PXDN: variants seen among roughly 807,000 people sequenced by gnomAD.
PXDN encodes the protein peroxidasin.
A neutral mutation model predicts 140.3 loss-of-function variants in PXDN; 77 were observed. That is an observed-to-expected ratio of 0.55 (90% CI 0.46 to 0.66). The LOEUF (loss-of-function observed/expected upper bound fraction) is 0.66, where lower values mean the gene tolerates loss of function less well. Among genes scored for constraint, PXDN ranks in the 30% least tolerant of loss-of-function variants. PXDN has a pLI of 0.00. For missense variants in PXDN, 1,838 were observed against 2,039.5 expected (o/e 0.90, Z 1.90); for synonymous variants, 911 against 857.4 (o/e 1.06, Z -1.09).
At chr2:1,725,966 T>C (rs972087679) in intron 1 of PXDN, among the ~76,000 whole-genome samples, 3 of 149,656 alleles carry the variant, frequency 2.0e-5, no homozygotes, top group African/African-American at 7.4e-5. Flanking sequence ...AGGAACACTT[T>C]TACACCGTTG....
chr2:1,659,658 CAA>C (rs1683257847), intron 14 of PXDN, among the ~76,000 whole-genome samples: 2 of 152,236 alleles, frequency 1.3e-5, no homozygotes, highest in East Asian at 3.9e-4. Flanking sequence ...AAGCAAAAAA[CAA>C]ATATTAATTT....
At chr2:1,716,872 G>A (rs1684908647) in intron 1 of PXDN, among the ~76,000 whole-genome samples, 1 of 152,130 alleles carries the variant, frequency 6.6e-6, no homozygotes, top group African/African-American at 2.4e-5. Context: ...ACACCACATG[G>A]ACAGGTTCAG....
chr2:1,725,216 G>T (rs1330359413), intron 1 of PXDN, among the ~76,000 whole-genome samples: 1 of 152,056 alleles, frequency 6.6e-6, no homozygotes, highest in Non-Finnish European at 1.5e-5. Flanking sequence ...TTTGTATCCT[G>T]CAACTTTACT....
intron 9 of PXDN, among the ~76,000 whole-genome samples, chr2:1,669,370 T>A (rs1045762168): frequency 6.6e-6 from 1 of 152,164 alleles, no homozygotes; most frequent in Non-Finnish European, 1.5e-5. Context: ...AAAACCTAGA[T>A]GACAGGTTGA....
intron 16 of PXDN, 160 bp downstream of exon 16, chr2:1,653,468 G>C: frequency 9.1e-7 from 1 of 1,099,834 alleles, no homozygotes; most frequent in Non-Finnish European, 1.4e-6. Flanking sequence ...AGGGCTGTAG[G>C]GCTCAAGAGG....
Position 1,660,836 on chromosome 2 carries a change from C to A in PXDN, c.1837+45G>T. 4 of 1,578,644 alleles carry A rather than the reference C, an allele frequency of 2.5e-6. No homozygotes were observed. The highest frequency in any genetic ancestry group is 2.6e-6 in the Non-Finnish European group (3 of 1,159,306). ...ACCACACTAGGGACCTGCGGGCTTT[C>A]TTTGTGGATACCATGTGGGTAGATG... On this transcript the variant is annotated intron_variant, in intron 14 of 22. Transcript: ENST00000252804. The surrounding 1 kb of genome is among the most constrained non-coding windows in gnomAD (Gnocchi z 4.6).
intron 19 of PXDN, among the ~76,000 whole-genome samples, chr2:1,641,718 G>A (rs751597479): frequency 2.0e-5 from 3 of 152,258 alleles, no homozygotes; most frequent in Non-Finnish European, 4.4e-5. Context: ...CTGAGAGGAG[G>A]AGGGGCTTGT....
intron 1 of PXDN, among the ~76,000 whole-genome samples, chr2:1,700,643 G>A (rs1684403838): frequency 6.6e-6 from 1 of 152,054 alleles, no homozygotes; most frequent in Non-Finnish European, 1.5e-5. Context: ...GGAGGCGGAG[G>A]TGGGTGGATC....
At position 1,744,367 on chromosome 2, in the gene PXDN, T is replaced by C; in HGVS notation, c.89A>G (p.Gln30Arg). ...CAWGTLAVVA[Q>R]KPGAGCPSRC... ...GCTCGGACACCCTGCGCCCGGCTTC[T>C]GGGCCACCACGGCCAGCGTCCCCCA... is the stretch of plus-strand genomic sequence containing the variant. Residue 30 changes from glutamine to arginine, a missense_variant, in exon 1 of 23, where the codon CAG becomes CGG. By Grantham distance (43) the Gln-to-Arg change is conservative (BLOSUM62 1). This residue lies in a region of PXDN where 231 missense variants were observed against 201.5 expected (regional missense o/e 1.15). Transcript: ENST00000252804. 1.2e-5 allele frequency: 18 copies of C among 1,526,816 alleles called. No individual in the cohort carries two copies. The highest frequency in any genetic ancestry group is 1.5e-5 in the Non-Finnish European group (17 of 1,143,446). 94.6% of individuals were successfully genotyped at this position (1,526,816 alleles called of 1,614,324 possible).
At position 1,730,071 on chromosome 2, in the gene PXDN, G is replaced by A. The variant is rs186571926; in HGVS notation, c.200+14185C>T. On this transcript the variant is annotated intron_variant, in intron 1 of 22. Transcript: ENST00000252804. ...TTAACAGGTAGACAAATACTGCTAC[G>A]TACTACACACGCCTGAATGCTTCTG... Among the ~76,000 whole-genome samples the A allele has an allele frequency of 5.3e-4, 80 of 152,254 alleles. 1 individual carries two copies. The highest frequency in any genetic ancestry group is 1.9e-3 in the Admixed American group (29 of 15,296).
At chr2:1,671,660 G>A (rs995447710) in intron 9 of PXDN, among the ~76,000 whole-genome samples, 1 of 152,156 alleles carries the variant, frequency 6.6e-6, no homozygotes, top group Non-Finnish European at 1.5e-5. Flanking sequence ...CCTAATCACA[G>A]AGCTTCAGGA....
chr2:1,638,591 G>A (rs113578456), intron 21 of PXDN, among the ~76,000 whole-genome samples: 177 of 152,216 alleles, frequency 1.2e-3, no homozygotes, highest in African/African-American at 4.1e-3. Context: ...CACCTGGCTG[G>A]CAGTCACACG....
At chr2:1,681,800 G>A (rs1468677498) in intron 6 of PXDN, among the ~76,000 whole-genome samples, 2 of 152,216 alleles carry the variant, frequency 1.3e-5, no homozygotes, top group Non-Finnish European at 2.9e-5. Flanking sequence ...AGACCCAGAT[G>A]GTCATAGTCA....
rs1435744952 is a variant in PXDN at position 1,639,498 on chromosome 2, T to C, written c.3953-76A>G. ...GGGAAATTAAGCACATCCTGCCAAC[T>C]ATGAAGTCTTCACTGGCTGCCCGTG... On this transcript the variant is annotated intron_variant, in intron 19 of 22. Coordinates refer to ENST00000252804, the MANE Select transcript of PXDN (RefSeq NM_012293.3). This position sits in a 1 kb window ranked among gnomAD's most constrained non-coding sequence, Gnocchi z 5.0. 22 of 1,598,040 alleles carry C rather than the reference T, an allele frequency of 1.4e-5. No individual in the cohort carries two copies. The highest frequency in any genetic ancestry group is 1.8e-5 in the Non-Finnish European group (21 of 1,169,554).
intron 9 of PXDN, among the ~76,000 whole-genome samples, chr2:1,668,180 G>C (rs1465806781): frequency 1.3e-5 from 2 of 152,122 alleles, no homozygotes; most frequent in African/African-American, 4.8e-5. Context: ...TGACAAACCT[G>C]ACAAAAACAA....
At chr2:1,708,024 C>G (rs927509592) in intron 1 of PXDN, among the ~76,000 whole-genome samples, 10 of 152,344 alleles carry the variant, frequency 6.6e-5, no homozygotes, top group East Asian at 1.9e-4. Flanking sequence ...AGCTTTGTCC[C>G]GAGAACAAGG....
intron 1 of PXDN, 94 bp from the exon 2 acceptor site, chr2:1,693,228 C>T: frequency 1.9e-6 from 2 of 1,041,992 alleles, no homozygotes; most frequent in East Asian, 2.6e-5. Context: ...GGTGACAATG[C>T]ATTTAAAATA....
rs974723045 is a variant in PXDN at position 1,633,403 on chromosome 2, G to T, written c.*801C>A. 1.3e-5 allele frequency: 2 copies of T among 152,106 alleles called. No individual in the cohort carries two copies. The highest frequency in any genetic ancestry group is 6.5e-5 in the Admixed American group (1 of 15,272). The allele number at this position is 152,106 out of a possible 1,614,324, so 9.4% of individuals were successfully genotyped here. A position where few individuals can be genotyped will look rare whatever the true frequency, so the allele number is the denominator to read the frequency against. On this transcript the variant is annotated 3_prime_UTR_variant, in exon 23 of 23. Coordinates refer to ENST00000252804, the MANE Select transcript of PXDN (RefSeq NM_012293.3). ...CATTTGGTTCACAACTAGGCAGTAT[G>T]TGTGCAAGTGACAGCTGAAAGCAAA... is the stretch of plus-strand genomic sequence containing the variant.
At chr2:1,694,421 C>A (rs539009562) in intron 1 of PXDN, among the ~76,000 whole-genome samples, 1 of 152,320 alleles carries the variant, frequency 6.6e-6, no homozygotes, top group African/African-American at 2.4e-5. Flanking sequence ...CAGCATCCAG[C>A]CTAGATGTCA....
Sources: gnomAD v4.1 joint callset for allele counts (sites outside exome capture counted in the v4.1 genomes callset) on GRCh38, gnomAD v4.1.1 for gene constraint, gnomAD v4.1.1 regional missense constraint, Gnocchi (gnomAD v3.1) non-coding constraint, MANE v1.5 for transcripts, NCBI Gene and HGNC (gene_info 2026-07-23, HGNC 2026-07-21) for gene names.